Variants in ITGA9 observed in about 807,000 individuals in gnomAD.
The protein encoded by ITGA9 is integrin alpha-9.
In ITGA9, 56 loss-of-function variants were observed where a neutral mutation model predicts 127.8. The observed-to-expected ratio is 0.44, with a 90% CI of 0.35 to 0.55. The LOEUF (loss-of-function observed/expected upper bound fraction) is 0.55, where lower values mean the gene tolerates loss of function less well. Ranked by LOEUF, ITGA9 falls within the 20% of genes least tolerant of loss-of-function variation. The pLI is 0.00. For missense variants in ITGA9, 1,196 were observed against 1,347.1 expected (o/e 0.89, Z 1.76); for synonymous variants, 508 against 514.5 (o/e 0.99, Z 0.17).
chr3:37,788,094 A>C (rs996291007), intron 26 of ITGA9, among the ~76,000 whole-genome samples: 1 of 152,136 alleles, frequency 6.6e-6, no homozygotes, highest in Non-Finnish European at 1.5e-5. Context: ...ATGCAAACAA[A>C]TTTTCCACTT....
intron 16 of ITGA9, among the ~76,000 whole-genome samples, chr3:37,635,526 A>C (rs1427868665): frequency 6.6e-6 from 1 of 152,060 alleles, no homozygotes; most frequent in African/African-American, 2.4e-5. Context: ...CAGCAGCATC[A>C]ACCTCTCTTG....
chr3:37,544,094 G>A (rs889310271), intron 15 of ITGA9, among the ~76,000 whole-genome samples: 4 of 152,222 alleles, frequency 2.6e-5, no homozygotes, highest in African/African-American at 9.7e-5. Flanking sequence ...CTTCTCTCGG[G>A]CCTCTTCTTG....
intron 15 of ITGA9, among the ~76,000 whole-genome samples, chr3:37,563,882 C>T (rs1000028414): frequency 4.6e-5 from 7 of 152,350 alleles, no homozygotes; most frequent in Non-Finnish European, 7.3e-5. Flanking sequence ...TTTTATGGGA[C>T]AGTCCTTCCT....
intron 13 of ITGA9, among the ~76,000 whole-genome samples, chr3:37,530,694 G>C (rs1457863776): frequency 7.0e-6 from 1 of 142,984 alleles, no homozygotes; most frequent in Admixed American, 7.1e-5. Context: ...TCAGCCCTCA[G>C]GGAGAAGTGT....
At chr3:37,469,475 C>T (rs1370291807) in intron 1 of ITGA9, among the ~76,000 whole-genome samples, 1 of 152,124 alleles carries the variant, frequency 6.6e-6, no homozygotes, top group Non-Finnish European at 1.5e-5. Flanking sequence ...GTAACACATC[C>T]AGGAAAGTGT....
intron 13 of ITGA9, among the ~76,000 whole-genome samples, chr3:37,529,687 A>T (rs2844360): frequency 6.6e-6 from 1 of 152,018 alleles, no homozygotes; most frequent in Admixed American, 6.5e-5. Flanking sequence ...CCTCAGCTTC[A>T]CCCTCATCTA....
chr3:37,585,690 C>A, intron 15 of ITGA9: 1 of 507,894 alleles, frequency 2.0e-6, no homozygotes, highest in Non-Finnish European at 4.0e-6. Context: ...ACAGGTGAAA[C>A]GTAACAATAG....
chr3:37,476,646 C>A (rs374219513), intron 3 of ITGA9, among the ~76,000 whole-genome samples: 66 of 152,268 alleles, frequency 4.3e-4, no homozygotes, highest in African/African-American at 1.6e-3. Flanking sequence ...ACTCTGTCCT[C>A]GGCACTTCTC....
chr3:37,770,084 T>C (rs774088425), intron 23 of ITGA9, among the ~76,000 whole-genome samples: 2 of 152,166 alleles, frequency 1.3e-5, no homozygotes, highest in South Asian at 2.1e-4. Flanking sequence ...AGTTAAAGCT[T>C]ATCTGTCACA....
In ITGA9 at chr3:37,585,036, T is replaced by G. The variant is rs578013677; in HGVS notation, c.1689+42451T>G. ...TGGCCAGCCATAGTGACCATGGCTC[T>G]CTACGGAAGGCCATAGCTTCTGCCA... is the stretch of plus-strand genomic sequence containing the variant. On this transcript the variant is annotated intron_variant, in intron 15 of 27. Coordinates refer to ENST00000264741, the MANE Select transcript of ITGA9 (RefSeq NM_002207.3). 3.1e-3 allele frequency among the ~76,000 whole-genome samples: 468 copies of G among 152,216 alleles called. 1 individual carries two copies. Among genetic ancestry groups the G allele is most frequent in the African/African-American group, 0.011 (449 of 41,532 alleles).
chr3:37,504,692 A>G (rs550642752), intron 6 of ITGA9, among the ~76,000 whole-genome samples: 2 of 152,290 alleles, frequency 1.3e-5, no homozygotes, highest in South Asian at 4.2e-4. Flanking sequence ...TTCTCTTTGT[A>G]TACACATTAG....
At chr3:37,666,774 G>A (rs1209101162) in intron 17 of ITGA9, among the ~76,000 whole-genome samples, 1 of 152,208 alleles carries the variant, frequency 6.6e-6, no homozygotes, top group Non-Finnish European at 1.5e-5. Context: ...AAGTCACATG[G>A]CAAAGGGTGT....
Position 37,481,509 on chromosome 3 carries a change from T to G in ITGA9, c.446T>G (p.Ile149Ser), listed in dbSNP as rs1409143114. 6.2e-7 allele frequency: 1 copy of G among 1,614,016 alleles called. No homozygotes were observed. The highest frequency in any genetic ancestry group is 1.3e-5 in the African/African-American group (1 of 74,910). ...GCCTGTGCTCATCGCTGGAAGAACA[T>G]CTACTATGAAGCCGACCACATCCTA... ...VLACAHRWKN[I>S]YYEADHILPH... Residue 149 changes from isoleucine to serine, a missense_variant, in exon 4 of 28, where the codon ATC becomes AGC. Transcript: ENST00000264741.
chr3:37,659,541 G>A (rs1416054718), intron 17 of ITGA9, among the ~76,000 whole-genome samples: 5 of 151,884 alleles, frequency 3.3e-5, no homozygotes, highest in South Asian at 4.2e-4. Flanking sequence ...GGTCATTTAT[G>A]TTCTTCTCTA....
chr3:37,782,789 G>T (rs1003080776), intron 25 of ITGA9, among the ~76,000 whole-genome samples: 1 of 152,206 alleles, frequency 6.6e-6, no homozygotes, highest in Non-Finnish European at 1.5e-5. Flanking sequence ...GGAATTTGAG[G>T]TTTTACTGTT....
At chr3:37,495,170 C>T (rs1698714989) in intron 5 of ITGA9, among the ~76,000 whole-genome samples, 1 of 152,152 alleles carries the variant, frequency 6.6e-6, no homozygotes, top group Admixed American at 6.5e-5. Context: ...CCAGGCTGGT[C>T]TTGAACACCT....
chr3:37,541,407 G>A (rs908518696), intron 14 of ITGA9, among the ~76,000 whole-genome samples: 1 of 152,180 alleles, frequency 6.6e-6, no homozygotes, highest in Non-Finnish European at 1.5e-5. Context: ...CAGAAAAGCA[G>A]TAAAATAGGT....
intron 18 of ITGA9, among the ~76,000 whole-genome samples, chr3:37,702,970 T>C (rs926812535): frequency 1.3e-5 from 2 of 152,004 alleles, no homozygotes; most frequent in African/African-American, 4.8e-5. Flanking sequence ...GGAAAAGAGC[T>C]CTGCCTCCCG....
At chr3:37,528,888 A>G (rs565085869) in intron 13 of ITGA9, among the ~76,000 whole-genome samples, 2 of 152,290 alleles carry the variant, frequency 1.3e-5, no homozygotes, top group African/African-American at 4.8e-5. Context: ...GTCACCCCAG[A>G]GAGTTTCCTT....
Sources: gnomAD v4.1 joint callset for allele counts (sites outside exome capture counted in the v4.1 genomes callset) on GRCh38, gnomAD v4.1.1 for gene constraint, MANE v1.5 for transcripts, NCBI Gene and HGNC (gene_info 2026-07-23, HGNC 2026-07-21) for gene names.